RAB11FIP3: variants seen among roughly 807,000 people sequenced by gnomAD.
RAB11FIP3 encodes rab11 family-interacting protein 3.
RAB11FIP3 carries 17 observed loss-of-function variants against 77.8 expected under a neutral mutation model. The ratio of observed to expected loss-of-function variants is 0.22; its 90% CI spans 0.15 to 0.33. The LOEUF is 0.33. Among genes scored for constraint, RAB11FIP3 ranks in the 10% least tolerant of loss-of-function variants. The probability of loss-of-function intolerance (pLI) is 1.00; values close to 1 mark genes in which losing one functional copy is unlikely to be tolerated. For missense variants in RAB11FIP3, 1,005 were observed against 1,011.2 expected (o/e 0.99, Z 0.08); for synonymous variants, 437 against 448.2 (o/e 0.98, Z 0.31).
At chr16:484,327 C>T (rs1291727068) in intron 4 of RAB11FIP3, among the ~76,000 whole-genome samples, 2 of 152,070 alleles carry the variant, frequency 1.3e-5, no homozygotes, top group African/African-American at 2.4e-5. Flanking sequence ...TGGCTTCTTC[C>T]ACTTGCTGTT....
chr16:457,436 G>A (rs1261039497), intron 1 of RAB11FIP3, among the ~76,000 whole-genome samples: 1 of 151,912 alleles, frequency 6.6e-6, no homozygotes, highest in Non-Finnish European at 1.5e-5. Flanking sequence ...TCTGGTTTAT[G>A]TCTCTTGGCT....
chr16:485,612 C>T (rs2056138637), intron 4 of RAB11FIP3, among the ~76,000 whole-genome samples: 2 of 152,184 alleles, frequency 1.3e-5, no homozygotes, highest in African/African-American at 4.8e-5. Context: ...AGTGTTTCAC[C>T]ATCTTGCCCA....
In RAB11FIP3 at chr16:510,719, T is replaced by C. The variant is rs2032102341; in HGVS notation, c.1559T>C (p.Leu520Pro). 6.2e-7 allele frequency: 1 copy of C among 1,613,086 alleles called. No homozygotes were observed. The highest frequency in any genetic ancestry group is 8.5e-7 in the Non-Finnish European group (1 of 1,179,836). ...GAGCTGAGAGCCTGCGAGATGGTCC[T>C]GGAAGAGACCCGGCGTCAGAAGGAG... ...EQELRACEMV[L>P]EETRRQKELL... The change falls in exon 9 of 14, where the codon CTG becomes CCG. Residue 520 changes from leucine (L) to proline (P), a missense_variant. Leu to Pro is a moderately conservative substitution (Grantham distance 98, BLOSUM62 -3). Around this residue, in one of 4 missense-constraint regions of RAB11FIP3, gnomAD observed 433 missense variants for 436.1 expected, o/e 0.99. Coordinates refer to ENST00000262305, the MANE Select transcript of RAB11FIP3 (RefSeq NM_014700.4).
rs561352897 is a variant in RAB11FIP3, at chr16:515,872, C to T, written c.1641-3071C>T. 1.7e-3 allele frequency among the ~76,000 whole-genome samples: 258 copies of T among 152,320 alleles called. 1 individual carries two copies. The highest frequency in any genetic ancestry group is 5.3e-3 in the Admixed American group (81 of 15,308). ...AAGGCGAGGCTCACACAGGAGGGTCCCCACCCACATACAGCTGGATCACAC... is the reference window on the plus strand; with the variant it reads ...AAGGCGAGGCTCACACAGGAGGGTCTCCACCCACATACAGCTGGATCACAC... On this transcript the variant is annotated intron_variant, in intron 9 of 13. Coordinates refer to ENST00000262305, the MANE Select transcript of RAB11FIP3 (RefSeq NM_014700.4).
chr16:482,697 A>G lies in RAB11FIP3; in HGVS notation c.1076A>G (p.Glu359Gly), dbSNP rs2056070508. 3.7e-6 allele frequency: 6 copies of G among 1,611,310 alleles called. No homozygotes were observed. The highest frequency in any genetic ancestry group is 5.1e-6 in the Non-Finnish European group (6 of 1,179,530). The change falls in exon 4 of 14, where the codon GAG (glutamate) becomes GGG (glycine). Residue 359 changes from glutamate to glycine, a missense_variant. Around this residue, in one of 4 missense-constraint regions of RAB11FIP3, gnomAD observed 433 missense variants for 436.1 expected, o/e 0.99. Coordinates refer to ENST00000262305, the MANE Select transcript of RAB11FIP3 (RefSeq NM_014700.4). ...AVPSECLDAM[E>G]EPDHGALLLL... is the part of the protein sequence containing the mutation. ...CCCTCTGAGTGCCTGGACGCCATGG[A>G]GGAGCCCGACCATGGTGCCCTGCTG...
chr16:479,062 C>T (rs1272697774), intron 3 of RAB11FIP3, among the ~76,000 whole-genome samples: 4 of 152,108 alleles, frequency 2.6e-5, no homozygotes, highest in African/African-American at 9.7e-5. Flanking sequence ...TTACTATCTA[C>T]CTATACCTGG....
rs369261042 is a variant in RAB11FIP3 at position 461,412 on chromosome 16, C to G, written c.723C>G (p.Asp241Glu). The G allele has an allele frequency of 7.4e-6, 12 of 1,613,570 alleles. No homozygotes were observed. The African/African-American group carries it at 1.3e-4, about 18-fold the overall frequency. ...ATVYGAEQVK[D>E]LTKYLDPSGL... Reference sequence around the variant, plus strand: ...TCATTTGGCAATTACAGGTGAAGGACTTAACTAAGTACTTGGATCCCAGTG... The same window carrying G: ...TCATTTGGCAATTACAGGTGAAGGAGTTAACTAAGTACTTGGATCCCAGTG... Residue 241 changes from aspartate to glutamate, a missense_variant, in exon 2 of 14, where the codon GAC (aspartate) becomes GAG (glutamate). Coordinates refer to ENST00000262305, the MANE Select transcript of RAB11FIP3 (RefSeq NM_014700.4). The surrounding 1 kb of genome is among the most constrained non-coding windows in gnomAD (Gnocchi z 4.5).
rs921726414 is a variant in RAB11FIP3, at chr16:510,063, G to A, written c.1500-597G>A. ...CCGTGCCTCTGGGCTCTGAGCGCACGCGTTGTGTGTAGTGGCCCTGGCACC... is the reference window on the plus strand; with the variant it reads ...CCGTGCCTCTGGGCTCTGAGCGCACACGTTGTGTGTAGTGGCCCTGGCACC... On this transcript the variant is annotated intron_variant, in intron 8 of 13. Coordinates refer to ENST00000262305, the MANE Select transcript of RAB11FIP3 (RefSeq NM_014700.4). 3.4e-5 allele frequency among the ~76,000 whole-genome samples: 5 copies of A among 148,132 alleles called. 1 individual carries two copies. The highest frequency in any genetic ancestry group is 2.7e-4 in the Admixed American group (4 of 14,938).
chr16:502,903 C>G, intron 6 of RAB11FIP3, 101 bp from the exon 7 acceptor site: 1 of 958,454 alleles, frequency 1.0e-6, no homozygotes, highest in South Asian at 1.3e-5. Flanking sequence ...CCCTGCAATG[C>G]TGCTGCCTGC....
At position 471,219 on chromosome 16, in the gene RAB11FIP3, AGTCCCGAGGCCGCCAGGG is replaced by A; in HGVS notation, c.809-69_809-52del. The A allele has an allele frequency of 5.5e-6, 7 of 1,283,744 alleles. No homozygotes were observed. In the East Asian group the frequency reaches 1.7e-4, roughly 31 times the overall value. 79.5% of individuals were successfully genotyped at this position (1,283,744 alleles called of 1,614,324 possible). The stretch of plus-strand genomic sequence containing the variant: ...GTCCCTGGGGGCCTCCTTCCCAGGG[AGTCCCGAGGCCGCCAGGG>A]GTCCCGTCACTGGGTGGCTATGGGT... On this transcript the variant is annotated intron_variant, in intron 2 of 13. Coordinates refer to ENST00000262305, the MANE Select transcript of RAB11FIP3 (RefSeq NM_014700.4). The surrounding 1 kb of genome is among the most constrained non-coding windows in gnomAD (Gnocchi z 4.4).
Position 425,919 on chromosome 16 carries a change from C to A in RAB11FIP3, c.-88C>A. ...GCGCCCCGCGCGCGCCCGCCCGCGC[C>A]GCCGAGGGGATGCCCGCGCCCGCCG... On this transcript the variant is annotated 5_prime_UTR_variant, in exon 1 of 14. Coordinates refer to ENST00000262305, the MANE Select transcript of RAB11FIP3 (RefSeq NM_014700.4). The A allele has an allele frequency of 4.5e-6, 2 of 443,792 alleles. No homozygotes were observed. The highest frequency in any genetic ancestry group is 6.0e-6 in the Non-Finnish European group (2 of 335,440). The allele number at this position is 443,792 out of a possible 1,614,324, so 27.5% of individuals were successfully genotyped here.
chr16:429,224 C>T (rs903919905), intron 1 of RAB11FIP3, among the ~76,000 whole-genome samples: 1 of 152,148 alleles, frequency 6.6e-6, no homozygotes, highest in Non-Finnish European at 1.5e-5. Flanking sequence ...ACTCACCACT[C>T]ACTACCCCCA....
intron 4 of RAB11FIP3, among the ~76,000 whole-genome samples, chr16:486,326 T>C (rs949330087): frequency 1.3e-5 from 2 of 152,140 alleles, no homozygotes; most frequent in Admixed American, 1.3e-4. Flanking sequence ...ACCCCGTCTC[T>C]ACTAAAAATA....
In RAB11FIP3 at chr16:522,026, T is replaced by C. The variant is rs1466026338; in HGVS notation, c.*1187T>C. On this transcript the variant is annotated 3_prime_UTR_variant, in exon 14 of 14. Transcript: ENST00000262305. The stretch of plus-strand genomic sequence containing the variant: ...TCACCAAGACTGGCCACCCGCTGCG[T>C]GTGTGTGCGCGCGCGTGTACGTGTG... 1.7e-5 allele frequency: 1 copy of C among 58,670 alleles called. No homozygotes were observed. The highest frequency in any genetic ancestry group is 1.4e-3 in the East Asian group (1 of 732). The allele number at this position is 58,670 out of a possible 1,614,324, so 3.6% of individuals were successfully genotyped here. A position where few individuals can be genotyped will look rare whatever the true frequency, so the allele number is the denominator to read the frequency against.
At chr16:492,362 T>TCCCGGGAGACCCGAGGCCGTCCAGGGCCC (rs2030354690) in intron 5 of RAB11FIP3, among the ~76,000 whole-genome samples, 5 of 63,624 alleles carry the variant, frequency 7.9e-5, no homozygotes, top group South Asian at 4.0e-4. Context: ...GAAGAGGGTC[T>TCCCGGGAGACCCGAGGCCGTCCAGGGCCC]TCCCGGGAGA....
intron 1 of RAB11FIP3, among the ~76,000 whole-genome samples, chr16:451,216 CAG>C (rs2055402443): frequency 6.6e-6 from 1 of 152,002 alleles, no homozygotes; most frequent in African/African-American, 2.4e-5. Flanking sequence ...AAGCTGTTAA[CAG>C]AAATAGTACA....
At position 472,416 on chromosome 16, in the gene RAB11FIP3, T is replaced by G. The variant is rs2055825602; in HGVS notation, c.903+1027T>G. 6.6e-6 allele frequency among the ~76,000 whole-genome samples: 1 copy of G among 152,162 alleles called. No homozygotes were observed. Among genetic ancestry groups the G allele is most frequent in the Admixed American group, 6.5e-5 (1 of 15,282 alleles). ...GGCCTTGGTGTGCTCTTTCTGCACGTGAGGCAGCAGTGAGGTGCTGGCTAA... is the reference window on the plus strand; with the variant it reads ...GGCCTTGGTGTGCTCTTTCTGCACGGGAGGCAGCAGTGAGGTGCTGGCTAA... On this transcript the variant is annotated intron_variant, in intron 3 of 13. Transcript: ENST00000262305. This position sits in a 1 kb window ranked among gnomAD's most constrained non-coding sequence, Gnocchi z 4.1.
At chr16:454,485 G>A (rs558584015) in intron 1 of RAB11FIP3, among the ~76,000 whole-genome samples, 12 of 152,264 alleles carry the variant, frequency 7.9e-5, no homozygotes, top group African/African-American at 2.9e-4. Context: ...GCTGAGGCAA[G>A]AGGATTGGCC....
In RAB11FIP3 at chr16:519,913, C is replaced by T. The variant is rs370848258; in HGVS notation, c.1860+22C>T. ...GGAGGTGAGCACCCACCCTGCCCCA[C>T]GCCCAGTCCTGCGCCCAGCCTGCCC... On this transcript the variant is annotated intron_variant, in intron 11 of 13. Coordinates refer to ENST00000262305, the MANE Select transcript of RAB11FIP3 (RefSeq NM_014700.4). 4.4e-5 allele frequency: 69 copies of T among 1,562,810 alleles called. 1 individual carries two copies. In the South Asian group the frequency reaches 6.0e-4, roughly 14 times the overall value.
Sources: gnomAD v4.1 joint callset for allele counts (sites outside exome capture counted in the v4.1 genomes callset) on GRCh38, gnomAD v4.1.1 for gene constraint, gnomAD v4.1.1 regional missense constraint, Gnocchi (gnomAD v3.1) non-coding constraint, MANE v1.5 for transcripts, NCBI Gene and HGNC (gene_info 2026-07-23, HGNC 2026-07-21) for gene names.